The following RBFOX1 variants were observed in gnomAD, a reference collection of about 807,000 sequenced individuals.
RBFOX1 encodes RNA binding protein fox-1 homolog 1.
RBFOX1 carries 8 observed loss-of-function variants against 57.7 expected under a neutral mutation model. The ratio of observed to expected loss-of-function variants is 0.14; its 90% CI spans 0.08 to 0.25. The LOEUF (loss-of-function observed/expected upper bound fraction) is 0.25. Ranked by LOEUF, RBFOX1 falls within the 10% of genes least tolerant of loss-of-function variation. The pLI, the probability that RBFOX1 is intolerant of heterozygous loss-of-function variation, is 1.00. For missense variants in RBFOX1, 611 were observed against 548.5 expected (o/e 1.11, Z -1.14); for synonymous variants, 326 against 222.4 (o/e 1.47, Z -4.15).
intron 3 of RBFOX1, among the ~76,000 whole-genome samples, chr16:6,739,867 A>C (rs930299800): frequency 8.5e-5 from 13 of 152,182 alleles, no homozygotes; most frequent in Admixed American, 7.9e-4. Context: ...ACAGAGCAAG[A>C]CTCTGTCTTA....
intron 3 of RBFOX1, among the ~76,000 whole-genome samples, chr16:6,793,925 G>T (rs10163237): frequency 2.0e-5 from 3 of 151,968 alleles, no homozygotes; most frequent in Non-Finnish European, 4.4e-5. Context: ...TAGTCCAGGG[G>T]AGTGATCACA....
intron 10 of RBFOX1, among the ~76,000 whole-genome samples, chr16:7,624,452 C>A (rs892122154): frequency 2.0e-5 from 3 of 152,162 alleles, no homozygotes. Flanking sequence ...TTCATGTATA[C>A]ATTTGTTACT....
At chr16:6,569,237 A>G (rs1048638117) in intron 2 of RBFOX1, among the ~76,000 whole-genome samples, 1 of 152,160 alleles carries the variant, frequency 6.6e-6, no homozygotes, top group Non-Finnish European at 1.5e-5. Context: ...ATACTGTGTA[A>G]GAAATTACTC....
intron 3 of RBFOX1, among the ~76,000 whole-genome samples, chr16:6,853,710 C>T (rs1032046970): frequency 6.6e-6 from 1 of 152,234 alleles, no homozygotes; most frequent in East Asian, 1.9e-4. Context: ...TGGTTGGATT[C>T]GTTTACCAGT....
chr16:6,675,085 T>C (rs183705159), intron 3 of RBFOX1, among the ~76,000 whole-genome samples: 7 of 152,166 alleles, frequency 4.6e-5, no homozygotes, highest in Non-Finnish European at 1.0e-4. Context: ...TTGTATTTTT[T>C]TGTAGAGATG....
intron 2 of RBFOX1, among the ~76,000 whole-genome samples, chr16:5,572,197 G>C (rs2046305882): frequency 6.6e-6 from 1 of 152,200 alleles, no homozygotes; most frequent in East Asian, 1.9e-4. Flanking sequence ...TCCTGGATCA[G>C]ATAAGGGAGA....
chr16:6,865,006 T>C (rs934307244), intron 3 of RBFOX1, among the ~76,000 whole-genome samples: 11 of 141,874 alleles, frequency 7.8e-5, no homozygotes, highest in Admixed American at 2.8e-4. Context: ...TTTTTTTTTT[T>C]TTTTTTTTTT....
intron 4 of RBFOX1, among the ~76,000 whole-genome samples, chr16:7,426,410 T>C (rs1432800770): frequency 6.6e-6 from 1 of 152,192 alleles, no homozygotes; most frequent in Non-Finnish European, 1.5e-5. Flanking sequence ...GGGCCTGTTT[T>C]CTTATTAACT....
At chr16:7,502,882 G>T (rs943263149) in intron 4 of RBFOX1, among the ~76,000 whole-genome samples, 2 of 152,040 alleles carry the variant, frequency 1.3e-5, no homozygotes, top group African/African-American at 2.4e-5. Flanking sequence ...AATTAGCCAA[G>T]TGTGGTGGCA....
intron 4 of RBFOX1, among the ~76,000 whole-genome samples, chr16:7,397,948 T>G (rs2098169767): frequency 6.6e-6 from 1 of 152,178 alleles, no homozygotes; most frequent in Non-Finnish European, 1.5e-5. Context: ...CTCGGCTCAG[T>G]GAACAATGCA....
At chr16:5,664,893 C>T (rs544381987) in intron 3 of RBFOX1, among the ~76,000 whole-genome samples, 1 of 151,962 alleles carries the variant, frequency 6.6e-6, no homozygotes, top group Non-Finnish European at 1.5e-5. Context: ...CACTTGGCCT[C>T]CTGCCCACCT....
intron 3 of RBFOX1, among the ~76,000 whole-genome samples, chr16:6,752,647 C>G (rs938165762): frequency 1.3e-5 from 2 of 152,192 alleles, no homozygotes; most frequent in African/African-American, 4.8e-5. Context: ...TTCCCCTGCT[C>G]TGGAATACCG....
chr16:6,020,702 G>C lies in RBFOX1; in HGVS notation c.-127+710G>C, dbSNP rs904043203. ...GCCCTGTGTTGTTGTGCAGGCCAGGGGGGGGCTTGTCAGCTCCAATCAACC... is the reference window on the plus strand; with the variant it reads ...GCCCTGTGTTGTTGTGCAGGCCAGGCGGGGGCTTGTCAGCTCCAATCAACC... On this transcript the variant is annotated intron_variant, in intron 1 of 15. Transcript: ENST00000550418. Among the ~76,000 whole-genome samples the C allele has an allele frequency of 5.9e-5, 9 of 152,252 alleles. No homozygotes were observed. The South Asian group carries it at 6.2e-4, about 11-fold the overall frequency.
intron 4 of RBFOX1, among the ~76,000 whole-genome samples, chr16:7,421,053 C>T (rs1218783211): frequency 3.3e-5 from 5 of 151,910 alleles, no homozygotes; most frequent in African/African-American, 9.7e-5. Context: ...CCATACCTGA[C>T]TCTTTTGCTC....
intron 3 of RBFOX1, among the ~76,000 whole-genome samples, chr16:5,810,267 T>C (rs956783880): frequency 4.6e-5 from 7 of 152,094 alleles, no homozygotes; most frequent in South Asian, 2.1e-4. Context: ...ATGGCACATG[T>C]ATACATATGT....
chr16:6,863,081 A>ACT, intron 3 of RBFOX1, among the ~76,000 whole-genome samples: 1 of 152,096 alleles, frequency 6.6e-6, no homozygotes, highest in Non-Finnish European at 1.5e-5. Flanking sequence ...TGTATGGTGG[A>ACT]GAACAGTGGA....
At chr16:7,608,987 G>C (rs542016622) in intron 10 of RBFOX1, among the ~76,000 whole-genome samples, 191 of 152,258 alleles carry the variant, frequency 1.3e-3, no homozygotes, top group African/African-American at 4.0e-3. Flanking sequence ...TCGGGGGCAT[G>C]GCAGTTTATT....
chr16:5,920,787 A>C (rs182551764), intron 4 of RBFOX1, among the ~76,000 whole-genome samples: 43 of 152,306 alleles, frequency 2.8e-4, no homozygotes, highest in Middle Eastern at 3.4e-3. Context: ...CCTGGGTGGA[A>C]ATTCTTCCTG....
chr16:6,939,865 C>G (rs920732950), intron 3 of RBFOX1, among the ~76,000 whole-genome samples: 10 of 152,136 alleles, frequency 6.6e-5, no homozygotes, highest in Admixed American at 5.2e-4. Flanking sequence ...CATGTCAAGG[C>G]TCTTTGTAAT....
Sources: allele counts gnomAD v4.1 joint callset (sites outside exome capture counted in the v4.1 genomes callset), GRCh38; gene constraint gnomAD v4.1.1; transcripts MANE v1.5; gene names NCBI Gene and HGNC (gene_info 2026-07-23, HGNC 2026-07-21).